The following PDK3 variants were observed in gnomAD, a reference collection of about 807,000 sequenced individuals.
The protein encoded by PDK3 is pyruvate dehydrogenase kinase, isozyme 3.
PDK3 carries 12 observed loss-of-function variants against 32.0 expected under a neutral mutation model. The ratio of observed to expected loss-of-function variants is 0.37; its 90% CI spans 0.24 to 0.61. PDK3 has a LOEUF of 0.61. Among genes scored for constraint, PDK3 ranks in the 20% least tolerant of loss-of-function variants. The pLI is 0.65. For synonymous variants in PDK3, 122 were observed against 116.3 expected, an observed-to-expected ratio of 1.05 and a Z score of -0.31; for missense variants, 188 against 316.9, an observed-to-expected ratio of 0.59 and a Z score of 3.09.
chrX:24,490,471 G>A (rs777987655), intron 1 of PDK3, among the ~76,000 whole-genome samples: 6 of 111,524 alleles, frequency 5.4e-5, no homozygotes, highest in Non-Finnish European at 7.5e-5. Flanking sequence ...TGTCATCAAC[G>A]CCCCGCAGGA....
intron 6 of PDK3, among the ~76,000 whole-genome samples, chrX:24,519,470 A>T (rs1439348237): frequency 1.9e-5 from 2 of 106,473 alleles, no homozygotes; most frequent in African/African-American, 6.9e-5. Context: ...TCCAGGTTCA[A>T]GTGATTCTCC....
chrX:24,518,886 T>A, intron 5 of PDK3, 47 bp from the exon 6 acceptor site: 1 of 780,954 alleles, frequency 1.3e-6, no homozygotes, highest in Non-Finnish European at 1.9e-6. Context: ...CACACGCTTG[T>A]GCCTATGTTA....
intron 5 of PDK3, among the ~76,000 whole-genome samples, chrX:24,508,456 C>T (rs1232598810): frequency 2.7e-5 from 3 of 111,459 alleles, no homozygotes; most frequent in African/African-American, 9.8e-5. Context: ...TAAAGTCTTT[C>T]ACTAATTTTT....
At chrX:24,538,844 T>C (rs1219724593), downstream of PDK3, among the ~76,000 whole-genome samples, 1 of 111,753 alleles carries the variant, frequency 8.9e-6, no homozygotes, top group African/African-American at 3.3e-5. Flanking sequence ...GTGCAGCCCT[T>C]CCCACTAACT....
At chrX:24,510,945 C>G (rs1214913159) in intron 5 of PDK3, among the ~76,000 whole-genome samples, 1 of 112,352 alleles carries the variant, frequency 8.9e-6, no homozygotes, top group Non-Finnish European at 1.9e-5. Flanking sequence ...ATGGACCCTC[C>G]TCTTAATTTT....
intron 6 of PDK3, among the ~76,000 whole-genome samples, chrX:24,520,878 G>GT (rs777054882): frequency 1.2e-4 from 13 of 111,706 alleles, no homozygotes; most frequent in African/African-American, 3.9e-4. Flanking sequence ...CTATGAAAGA[G>GT]TGTGAGAGGT....
chrX:24,503,886 A>C (rs1921921901), intron 4 of PDK3, among the ~76,000 whole-genome samples: 1 of 111,944 alleles, frequency 8.9e-6, no homozygotes, highest in African/African-American at 3.2e-5. Flanking sequence ...TTTCCTTTTT[A>C]GTTTTAAAAA....
chrX:24,539,071 G>A, downstream of PDK3: 1 of 698,337 alleles, frequency 1.4e-6, no homozygotes. Flanking sequence ...AAAAGTCCTG[G>A]TCAAAACAGA....
chrX:24,502,384 A>G (rs1178032451), intron 3 of PDK3, among the ~76,000 whole-genome samples: 3 of 111,631 alleles, frequency 2.7e-5, no homozygotes, highest in Non-Finnish European at 5.6e-5. Flanking sequence ...TTATATATAC[A>G]TACTCACTCA....
chrX:24,466,283 G>A (rs1940063873), intron 1 of PDK3, among the ~76,000 whole-genome samples: 1 of 112,244 alleles, frequency 8.9e-6, no homozygotes. Context: ...GAAGATTCGG[G>A]TTCCCAGCCT....
chrX:24,523,919 A>G (rs1602124665), intron 6 of PDK3, among the ~76,000 whole-genome samples: 1 of 112,151 alleles, frequency 8.9e-6, no homozygotes, highest in African/African-American at 3.2e-5. Flanking sequence ...TCAAACAAGA[A>G]TATTGCAACC....
At chrX:24,482,227 T>C (rs1255017109) in intron 1 of PDK3, among the ~76,000 whole-genome samples, 1 of 111,823 alleles carries the variant, frequency 8.9e-6, no homozygotes, top group Non-Finnish European at 1.9e-5. Context: ...GTTTATTTTT[T>C]GGAGACAGAG....
intron 1 of PDK3, among the ~76,000 whole-genome samples, chrX:24,472,709 G>A (rs1364730389): frequency 7.4e-5 from 4 of 54,087 alleles, no homozygotes; most frequent in Admixed American, 2.4e-4. Flanking sequence ...TTTGTGAGAC[G>A]GAGTTTTTGC....
rs757264784 is a variant in PDK3, at chrX:24,500,597, G to A, written c.320+1697G>A. 2.0e-4 allele frequency among the ~76,000 whole-genome samples: 22 copies of A among 112,445 alleles called. No individual in the cohort carries two copies. In the East Asian group the frequency reaches 4.2e-3, roughly 21 times the overall value. ...GCAATAATAGCTGAGCTCTCACTCCGTGAGTTTTGTAGCTTGCCTAGGTTC... is the reference window on the plus strand; with the variant it reads ...GCAATAATAGCTGAGCTCTCACTCCATGAGTTTTGTAGCTTGCCTAGGTTC... On this transcript the variant is annotated intron_variant, in intron 3 of 10. Transcript: ENST00000379162.
chrX:24,534,314 G>A lies in PDK3; in HGVS notation c.*242G>A. 2.6e-6 allele frequency: 2 copies of A among 779,942 alleles called. No individual in the cohort carries two copies. Among genetic ancestry groups the A allele is most frequent in the South Asian group, 1.3e-4 (2 of 15,040 alleles). The allele number at this position is 779,942 out of a possible 1,213,427, so 64.3% of individuals were successfully genotyped here. A position where few individuals can be genotyped will look rare whatever the true frequency, so the allele number is the denominator to read the frequency against. On this transcript the variant is annotated 3_prime_UTR_variant, in exon 11 of 11. Transcript: ENST00000379162. The stretch of plus-strand genomic sequence containing the variant: ...ATAAAAGGTGATCTATCCATCCAAT[G>A]GAATATTATTTGGCCTTAAAAAGGA...
chrX:24,497,692 G>A (rs186505271), intron 2 of PDK3, among the ~76,000 whole-genome samples: 1 of 113,016 alleles, frequency 8.8e-6, no homozygotes, highest in East Asian at 2.8e-4. Flanking sequence ...TCTCATTGGA[G>A]TATTTATATG....
chrX:24,469,417 A>G (rs1920971230), intron 1 of PDK3, among the ~76,000 whole-genome samples: 1 of 110,970 alleles, frequency 9.0e-6, no homozygotes, highest in Admixed American at 9.7e-5. Context: ...AGGTAAAAAA[A>G]AAATGATATA....
chrX:24,488,260 T>A (rs770170389), intron 1 of PDK3, among the ~76,000 whole-genome samples: 1 of 111,655 alleles, frequency 9.0e-6, no homozygotes, highest in Admixed American at 9.5e-5. Context: ...TTGAAAGTCA[T>A]TTATATTTCT....
intron 5 of PDK3, among the ~76,000 whole-genome samples, chrX:24,508,505 T>C (rs989801558): frequency 1.3e-4 from 15 of 111,365 alleles, no homozygotes. Context: ...ACTAGATAAG[T>C]AGCAGGGAGT....
Sources: allele counts gnomAD v4.1 joint callset (sites outside exome capture counted in the v4.1 genomes callset), GRCh38; gene constraint gnomAD v4.1.1; transcripts MANE v1.5; gene names NCBI Gene and HGNC (gene_info 2026-07-23, HGNC 2026-07-21).